DLG2: variants seen among roughly 807,000 people sequenced by gnomAD.
DLG2 encodes the protein disks large homolog 2.
DLG2 carries 45 observed loss-of-function variants against 132.5 expected under a neutral mutation model. That is an observed-to-expected ratio of 0.34 (90% CI 0.27 to 0.44). The LOEUF is 0.44. Among genes scored for constraint, DLG2 ranks in the 20% least tolerant of loss-of-function variants. The pLI, the probability that DLG2 is intolerant of heterozygous loss-of-function variation, is 1.00. For missense variants in DLG2, 1,045 were observed against 1,196.9 expected (o/e 0.87, Z 1.87); for synonymous variants, 424 against 419.6 (o/e 1.01, Z -0.13).
chr11:84,085,934 A>G (rs2096971718), intron 10 of DLG2, among the ~76,000 whole-genome samples: 1 of 152,206 alleles, frequency 6.6e-6, no homozygotes, highest in East Asian at 1.9e-4. Context: ...ATTGTAAAGC[A>G]TATCAATAAT....
At chr11:84,284,980 G>A (rs2097894550) in intron 7 of DLG2, among the ~76,000 whole-genome samples, 1 of 152,152 alleles carries the variant, frequency 6.6e-6, no homozygotes, top group Admixed American at 6.5e-5. Flanking sequence ...CTTTATATTT[G>A]CAGAGCATGT....
chr11:84,079,727 G>A (rs933219869), intron 10 of DLG2, among the ~76,000 whole-genome samples: 1 of 151,540 alleles, frequency 6.6e-6, no homozygotes. Context: ...TCTTTCAAAA[G>A]GATAAAGAAT....
At chr11:84,232,302 G>A (rs2097104488) in intron 8 of DLG2, among the ~76,000 whole-genome samples, 1 of 151,994 alleles carries the variant, frequency 6.6e-6, no homozygotes, top group Admixed American at 6.5e-5. Context: ...ACTTTGACAA[G>A]AATGAAAGCT....
At chr11:84,429,713 T>A (rs1031874683) in intron 7 of DLG2, among the ~76,000 whole-genome samples, 4 of 152,204 alleles carry the variant, frequency 2.6e-5, no homozygotes, top group African/African-American at 9.7e-5. Flanking sequence ...ATGCAGATTA[T>A]CTGATTATCA....
At chr11:84,010,012 A>T (rs1234125585) in intron 11 of DLG2, among the ~76,000 whole-genome samples, 1 of 152,102 alleles carries the variant, frequency 6.6e-6, no homozygotes, top group Non-Finnish European at 1.5e-5. Flanking sequence ...CAGTCTGTGC[A>T]CTGTGTTCTG....
chr11:85,443,297 G>A (rs1683982893), intron 3 of DLG2, among the ~76,000 whole-genome samples: 8 of 152,230 alleles, frequency 5.3e-5, no homozygotes, highest in Admixed American at 5.2e-4. Flanking sequence ...ACAATAACTA[G>A]AAAATAGTAA....
At chr11:84,217,925 TAGG>T (rs2096857656) in intron 8 of DLG2, among the ~76,000 whole-genome samples, 1 of 152,158 alleles carries the variant, frequency 6.6e-6, no homozygotes, top group Admixed American at 6.5e-5. Context: ...CCCAGCACTT[TAGG>T]AGGCCAAGGT....
In DLG2 at chr11:83,583,649, C is replaced by A. The variant is rs540890954; in HGVS notation, c.1941-41791G>T. ...AATGAGTCAACTGATACAGTTTTAC[C>A]ATAGGGATTTCAAAGACAAGCCTCA... On this transcript the variant is annotated intron_variant, in intron 19 of 27. Transcript: ENST00000376104. Among the ~76,000 whole-genome samples, 35 of 152,250 alleles carry A rather than the reference C, an allele frequency of 2.3e-4. 1 individual carries two copies. The highest frequency in any genetic ancestry group is 8.2e-4 in the African/African-American group (34 of 41,560).
At chr11:83,790,160 G>T in intron 17 of DLG2, 2 of 864,634 alleles carry the variant, frequency 2.3e-6, no homozygotes, top group Non-Finnish European at 3.7e-6. Flanking sequence ...CTGAGACCTT[G>T]AATAACAAAA....
chr11:83,992,663 TTCA>T (rs2093789910), intron 11 of DLG2, among the ~76,000 whole-genome samples: 1 of 152,126 alleles, frequency 6.6e-6, no homozygotes, highest in African/African-American at 2.4e-5. Flanking sequence ...TTAATGTACA[TTCA>T]GCCCTTGGTA....
At chr11:83,840,808 C>G (rs2057362917) in intron 16 of DLG2, among the ~76,000 whole-genome samples, 1 of 152,204 alleles carries the variant, frequency 6.6e-6, no homozygotes, top group Non-Finnish European at 1.5e-5. Flanking sequence ...TTGACATCTG[C>G]TTCATGTTTT....
At chr11:84,731,354 TG>T (rs2063128912) in intron 6 of DLG2, among the ~76,000 whole-genome samples, 1 of 151,992 alleles carries the variant, frequency 6.6e-6, no homozygotes, top group Non-Finnish European at 1.5e-5. Flanking sequence ...GCTGGCCTCA[TG>T]GAGATTACAA....
intron 19 of DLG2, among the ~76,000 whole-genome samples, chr11:83,609,722 T>C (rs940542147): frequency 2.0e-5 from 3 of 152,190 alleles, no homozygotes; most frequent in East Asian, 1.9e-4. Flanking sequence ...TCATGACATA[T>C]AATCCCTTTC....
chr11:83,595,795 G>T (rs1226403354), intron 19 of DLG2, among the ~76,000 whole-genome samples: 1 of 152,120 alleles, frequency 6.6e-6, no homozygotes, highest in African/African-American at 2.4e-5. Flanking sequence ...CAAAAAGAAT[G>T]GATGACAAGA....
At chr11:84,811,239 C>A (rs911635571) in intron 6 of DLG2, among the ~76,000 whole-genome samples, 5 of 152,134 alleles carry the variant, frequency 3.3e-5, no homozygotes, top group African/African-American at 1.2e-4. Flanking sequence ...GCTGATTCAA[C>A]CACCAGCTGG....
In DLG2 at chr11:83,727,280, TAAAC is replaced by T. The variant is rs149422810; in HGVS notation, c.1825+59406_1825+59409del. Among the ~76,000 whole-genome samples the T allele has an allele frequency of 6.4e-3, 980 of 152,236 alleles. 7 individuals carry two copies. The highest frequency in any genetic ancestry group is 0.022 in the African/African-American group (917 of 41,548). ...GATAAGTAAGTTGTAAGGGACCTCT[TAAAC>T]AGACAGGAGACTTGAGGGACCCAGG... On this transcript the variant is annotated intron_variant, in intron 18 of 27. Transcript: ENST00000376104.
chr11:84,386,874 C>A lies in DLG2; in HGVS notation c.520-135583G>T, dbSNP rs188293172. On this transcript the variant is annotated intron_variant, in intron 7 of 27. Coordinates refer to ENST00000376104, the MANE Select transcript of DLG2 (RefSeq NM_001142699.3). ...CCTGAAAAATATAGTACTTCACCAG[C>A]CTTCCTAGAGTTTTTCCTACGCTAT... 6.6e-5 allele frequency among the ~76,000 whole-genome samples: 10 copies of A among 152,178 alleles called. No individual in the cohort carries two copies. In the East Asian group the frequency reaches 9.7e-4, roughly 15 times the overall value.
At chr11:83,620,628 T>C (rs1297976907) in intron 19 of DLG2, among the ~76,000 whole-genome samples, 2 of 151,990 alleles carry the variant, frequency 1.3e-5, no homozygotes, top group African/African-American at 4.8e-5. Context: ...CCCAGCACTT[T>C]GGAAGGCCGA....
intron 15 of DLG2, among the ~76,000 whole-genome samples, chr11:83,914,183 C>G (rs1413345763): frequency 1.3e-5 from 2 of 152,020 alleles, no homozygotes; most frequent in Non-Finnish European, 2.9e-5. Context: ...CTCATGATGG[C>G]TTGGGGTCAT....
Sources: gnomAD v4.1 joint callset for allele counts (sites outside exome capture counted in the v4.1 genomes callset) on GRCh38, gnomAD v4.1.1 for gene constraint, MANE v1.5 for transcripts, NCBI Gene and HGNC (gene_info 2026-07-23, HGNC 2026-07-21) for gene names.